The following MCM3 variants were observed in gnomAD, a reference collection of about 807,000 sequenced individuals.
MCM3 encodes DNA replication licensing factor MCM3.
MCM3 carries 59 observed loss-of-function variants against 91.3 expected under a neutral mutation model. That is an observed-to-expected ratio of 0.65 (90% confidence interval 0.52 to 0.80). MCM3 has a LOEUF of 0.80. Among genes scored for constraint, MCM3 ranks in the 30% least tolerant of loss-of-function variants. MCM3 has a pLI of 0.00. For missense variants in MCM3, 919 were observed against 1,035.4 expected, an observed-to-expected ratio of 0.89 and a Z score of 1.54; for synonymous variants, 383 against 379.6, an observed-to-expected ratio of 1.01 and a Z score of -0.10.
chr6:52,273,967 G>A, intron 9 of MCM3, 51 bp from the exon 10 acceptor site: 1 of 1,447,686 alleles, frequency 6.9e-7, no homozygotes, highest in Non-Finnish European at 9.5e-7. Flanking sequence ...TAGGAAGAAA[G>A]AACAACAAGG....
At chr6:52,265,139 T>A (rs532237093) in intron 16 of MCM3, 2 of 353,090 alleles carry the variant, frequency 5.7e-6, no homozygotes, top group South Asian at 4.7e-5. Context: ...CTTGCATGAG[T>A]GCACACTGAT....
chr6:52,264,753 C>T lies in MCM3; in HGVS notation c.2262G>A (p.Val754=). The change falls in exon 17 of 17, where the codon GTG becomes GTA. Residue 754 remains valine (V), a synonymous_variant. Coordinates refer to ENST00000596288, the MANE Select transcript of MCM3 (RefSeq NM_002388.6). ...LKAFKVALLD[V]FREAHAQSIG... Reference sequence around the variant, plus strand: ...TTGACTGCGCATGAGCTTCCCGGAACACATCCAAGAGGGCCACCTTGAATG... The same window carrying T: ...TTGACTGCGCATGAGCTTCCCGGAATACATCCAAGAGGGCCACCTTGAATG... 6.2e-7 allele frequency: 1 copy of T among 1,614,122 alleles called. No individual in the cohort carries two copies. The highest frequency in any genetic ancestry group is 8.5e-7 in the Non-Finnish European group (1 of 1,180,036).
In MCM3 at chr6:52,267,916, G is replaced by C. The variant is rs1247324110; in HGVS notation, c.2021C>G (p.Thr674Arg). 1.3e-6 allele frequency: 2 copies of C among 1,508,892 alleles called. No homozygotes were observed. Among genetic ancestry groups the C allele is most frequent in the African/African-American group, 2.8e-5 (2 of 72,674 alleles). 93.5% of individuals were successfully genotyped at this position (1,508,892 alleles called of 1,614,324 possible). A position where few individuals can be genotyped will look rare whatever the true frequency, so the allele number is the denominator to read the frequency against. Residue 674 changes from threonine to arginine, a missense_variant, in exon 14 of 17, where the codon ACA (threonine) becomes AGA (arginine). Thr to Arg is a moderately conservative substitution (Grantham distance 71). Transcript: ENST00000596288. ...RKKRSEDESETEDEEEKSQED... is the reference protein window; with the variant it reads ...RKKRSEDESEREDEEEKSQED... ...TTGGCTTTTCTCCTCTTCATCTTCT[G>C]TCTCTGATTCATCCTCACTTCGCTT...
Position 52,266,649 on chromosome 6 carries a change from G to A in MCM3, c.2120C>T (p.Pro707Leu), listed in dbSNP as rs1010955185. The change falls in exon 15 of 17, where the codon CCC becomes CTC. Residue 707 changes from proline to leucine, a missense_variant. This residue lies in a region of MCM3 where 285 missense variants were observed against 311.4 expected (regional missense o/e 0.92). Transcript: ENST00000596288. ...CTCCTCTGTGTCACTGAAGTCATAGGGGTCGTATGAATCCCCATCTTTGGC... is the reference window on the plus strand; with the variant it reads ...CTCCTCTGTGTCACTGAAGTCATAGAGGTCGTATGAATCCCCATCTTTGGC... ...PDAKDGDSYDPYDFSDTEEEM... is the reference protein window; with the variant it reads ...PDAKDGDSYDLYDFSDTEEEM... The A allele has an allele frequency of 1.2e-6, 2 of 1,614,000 alleles. No homozygotes were observed. Among genetic ancestry groups the A allele is most frequent in the African/African-American group, 2.7e-5 (2 of 74,900 alleles).
In MCM3 at chr6:52,268,995, A is replaced by C. The variant is rs572417113; in HGVS notation, c.1968+91T>G. 14 of 1,390,050 alleles carry C rather than the reference A, an allele frequency of 1.0e-5. No individual in the cohort carries two copies. In the African/African-American group the frequency reaches 1.9e-4, roughly 18 times the overall value. 86.1% of individuals were successfully genotyped at this position (1,390,050 alleles called of 1,614,324 possible). A position where few individuals can be genotyped will look rare whatever the true frequency, so the allele number is the denominator to read the frequency against. On this transcript the variant is annotated intron_variant, in intron 13 of 16. Transcript: ENST00000596288. ...AATACTGCTTTCTGTTGACAATCCA[A>C]ATGTAGCCGTCAGCCACGGAAGGCT...
intron 12 of MCM3, among the ~76,000 whole-genome samples, chr6:52,270,094 G>C (rs1342085434): frequency 6.6e-6 from 1 of 152,154 alleles, no homozygotes; most frequent in Admixed American, 6.5e-5. Flanking sequence ...GGGAGGCCAA[G>C]GCAGGCGGAT....
In MCM3 at chr6:52,268,077, T is replaced by C. The variant is rs9463776; in HGVS notation, c.1969-109A>G. The C allele has an allele frequency of 0.012, 17,148 of 1,478,860 alleles. 1,457 individuals carry two copies. The African/African-American group carries it at 0.2, about 17-fold the overall frequency. The allele number at this position is 1,478,860 out of a possible 1,614,324, so 91.6% of individuals were successfully genotyped here. A position where few individuals can be genotyped will look rare whatever the true frequency, so the allele number is the denominator to read the frequency against. On this transcript the variant is annotated intron_variant, in intron 13 of 16. Transcript: ENST00000596288. ...CATAAGCAGGAAAGACTTCCATGTT[T>C]CCAATGGTTTACCTAGCTCCTCTTG...
intron 3 of MCM3, 82 bp from the exon 4 acceptor site, chr6:52,282,257 A>G: frequency 8.0e-7 from 1 of 1,253,244 alleles, no homozygotes; most frequent in South Asian, 1.2e-5. Context: ...CAAGCCTATA[A>G]TGACTCCAAA....
chr6:52,282,987 A>C (rs539192578), intron 2 of MCM3, 126 bp from the exon 3 acceptor site: 2 of 710,388 alleles, frequency 2.8e-6, no homozygotes, highest in African/African-American at 1.8e-5. Flanking sequence ...TTCTCCTATA[A>C]GTCTCAGTAA....
chr6:52,275,142 T>C (rs563013351), intron 9 of MCM3, among the ~76,000 whole-genome samples: 61 of 152,276 alleles, frequency 4.0e-4, no homozygotes, highest in African/African-American at 1.4e-3. Context: ...TTCTAAACCA[T>C]AGCTACCAAG....
rs759584307 is a variant in MCM3, at chr6:52,277,165, C to T, written c.1067G>A (p.Arg356Gln). The T allele has an allele frequency of 1.7e-5, 27 of 1,613,602 alleles. No homozygotes were observed. The East Asian group carries it at 3.3e-4, about 20-fold the overall frequency. The change falls in exon 8 of 17, where the codon CGG becomes CAG. Residue 356 changes from arginine (R) to glutamine (Q), a missense_variant. Around this residue, in one of 3 missense-constraint regions of MCM3, gnomAD observed 233 missense variants for 321.2 expected, o/e 0.73. Transcript: ENST00000596288. ...DPSVAKSQLL[R>Q]YVLCTAPRAI... Reference sequence around the variant, plus strand: ...TCGGGGTGCAGTGCAAAGCACATACCGCAGAAGCTGAGACTTGGCAACGGA... The same window carrying T: ...TCGGGGTGCAGTGCAAAGCACATACTGCAGAAGCTGAGACTTGGCAACGGA...
In MCM3 at chr6:52,276,256, G is replaced by A. The variant is rs1765548828; in HGVS notation, c.1374+12C>T. On this transcript the variant is annotated intron_variant, in intron 9 of 16. Transcript: ENST00000596288. The stretch of plus-strand genomic sequence containing the variant: ...AAGGTGAGGACAATGGTTGGGGCCT[G>A]ATTCCACTTACCCTGCCGTAGACAG... 1.2e-6 allele frequency: 2 copies of A among 1,602,850 alleles called. No homozygotes were observed. The highest frequency in any genetic ancestry group is 1.1e-5 in the South Asian group (1 of 89,972).
chr6:52,282,789 A>G lies in MCM3; in HGVS notation c.264T>C (p.Asp88=). ...RALKDFVASI[D]ATYAKQYEEF... is the part of the protein sequence containing the mutation. ...CCTCATACTGCTTGGCATAGGTAGC[A>G]TCAATGGAGGCCACAAAATCCTTTA... Residue 88 remains aspartate (D), a synonymous_variant, in exon 3 of 17, where the codon GAT becomes GAC. Coordinates refer to ENST00000596288, the MANE Select transcript of MCM3 (RefSeq NM_002388.6). 1 of 1,614,142 alleles carries G rather than the reference A, an allele frequency of 6.2e-7. No homozygotes were observed. The highest frequency in any genetic ancestry group is 8.5e-7 in the Non-Finnish European group (1 of 1,180,034).
At chr6:52,281,521 GA>G (rs1283667053) in intron 4 of MCM3, among the ~76,000 whole-genome samples, 4 of 149,194 alleles carry the variant, frequency 2.7e-5, no homozygotes, top group Non-Finnish European at 3.0e-5. Context: ...AGAAAAAAGT[GA>G]AAAAAAAAAT....
At chr6:52,273,110 A>T in intron 11 of MCM3, 120 bp downstream of exon 11, 1 of 1,158,616 alleles carries the variant, frequency 8.6e-7, no homozygotes, top group East Asian at 2.4e-5. Flanking sequence ...CCACGTGGTT[A>T]TGACTCCAGG....
intron 9 of MCM3, chr6:52,275,904 G>T: frequency 5.9e-6 from 1 of 168,792 alleles, no homozygotes; most frequent in Non-Finnish European, 1.3e-5. Flanking sequence ...GTTATTTCTT[G>T]GCAAAGTGAC....
At chr6:52,274,828 GTAA>G (rs1198513812) in intron 9 of MCM3, among the ~76,000 whole-genome samples, 7 of 151,868 alleles carry the variant, frequency 4.6e-5, no homozygotes, top group Non-Finnish European at 1.5e-5. Context: ...CAACCTTTAG[GTAA>G]TAATGATTTT....
Position 52,264,515 on chromosome 6 carries a change from T to C in MCM3, c.*73A>G, listed in dbSNP as rs1764480708. ...CTGTTAAGGGAGTAGAGGCAAAGAC[T>C]TGGGTCAGGGAGAGGGTGGGAAACA... On this transcript the variant is annotated 3_prime_UTR_variant, in exon 17 of 17. Transcript: ENST00000596288. 7 of 1,530,558 alleles carry C rather than the reference T, an allele frequency of 4.6e-6. No homozygotes were observed. The highest frequency in any genetic ancestry group is 6.3e-6 in the Non-Finnish European group (7 of 1,107,688). 94.8% of individuals were successfully genotyped at this position (1,530,558 alleles called of 1,614,324 possible).
chr6:52,266,203 C>A, intron 15 of MCM3, 59 bp from the exon 16 acceptor site: 1 of 1,270,048 alleles, frequency 7.9e-7, no homozygotes, highest in Non-Finnish European at 1.2e-6. Context: ...GCCATTTCCA[C>A]AAACACTAGA....
Sources: allele counts gnomAD v4.1 joint callset (sites outside exome capture counted in the v4.1 genomes callset), GRCh38; gene constraint gnomAD v4.1.1; regional missense constraint gnomAD v4.1.1; transcripts MANE v1.5; gene names NCBI Gene and HGNC (gene_info 2026-07-23, HGNC 2026-07-21).